The following PBX1 variants were observed in gnomAD, a reference collection of about 807,000 sequenced individuals.
PBX1 encodes PBX homeobox 1.
In PBX1, 6 loss-of-function variants were observed where a neutral mutation model predicts 53.4. That is an observed-to-expected ratio of 0.11 (90% CI 0.06 to 0.22). The LOEUF is 0.22. PBX1 is among the 10% of genes least tolerant of loss of function. PBX1 has a pLI of 1.00. For missense variants in PBX1, 251 were observed against 551.4 expected (o/e 0.46, Z 5.46); for synonymous variants, 204 against 212.3 (o/e 0.96, Z 0.34).
intron 2 of PBX1, among the ~76,000 whole-genome samples, chr1:164,650,176 G>T (rs1571147455): frequency 6.6e-6 from 1 of 151,890 alleles, no homozygotes; most frequent in Non-Finnish European, 1.5e-5. Flanking sequence ...TGGAGATGGG[G>T]AAGCCACTGG....
chr1:164,776,394 A>G (rs1667647719), intron 2 of PBX1, among the ~76,000 whole-genome samples: 1 of 152,128 alleles, frequency 6.6e-6, no homozygotes, highest in Non-Finnish European at 1.5e-5. Flanking sequence ...TGTGATTTAG[A>G]AGGAAGGGGT....
intron 2 of PBX1, among the ~76,000 whole-genome samples, chr1:164,750,786 A>G (rs911416732): frequency 6.6e-6 from 1 of 152,246 alleles, no homozygotes; most frequent in African/African-American, 2.4e-5. Flanking sequence ...GCCTGCATTC[A>G]GATTTGTCTT....
chr1:164,600,687 G>T (rs1227814992), intron 2 of PBX1, among the ~76,000 whole-genome samples: 2 of 152,320 alleles, frequency 1.3e-5, no homozygotes, highest in East Asian at 3.9e-4. Context: ...AAAGCACCGG[G>T]CTAGTAAACA....
intron 2 of PBX1, among the ~76,000 whole-genome samples, chr1:164,870,251 T>A (rs936408748): frequency 3.0e-5 from 2 of 65,910 alleles, no homozygotes; most frequent in Non-Finnish European, 5.9e-5. Flanking sequence ...CCTTCCTTCC[T>A]TCCTTCCTTC....
chr1:164,573,604 G>A (rs2101718868), intron 2 of PBX1, among the ~76,000 whole-genome samples: 1 of 149,940 alleles, frequency 6.7e-6, no homozygotes, highest in East Asian at 2.0e-4. Context: ...GGATTCTCCT[G>A]CCTCAGCCTC....
At chr1:164,585,129 T>G (rs1204765827) in intron 2 of PBX1, among the ~76,000 whole-genome samples, 1 of 152,184 alleles carries the variant, frequency 6.6e-6, no homozygotes, top group Non-Finnish European at 1.5e-5. Context: ...AAGAATGGAA[T>G]GGACATCTTT....
chr1:164,720,570 T>G (rs1414790841), intron 2 of PBX1, among the ~76,000 whole-genome samples: 1 of 152,216 alleles, frequency 6.6e-6, no homozygotes, highest in Non-Finnish European at 1.5e-5. Context: ...CCCTGGAGGC[T>G]TCTGACTTCA....
At chr1:164,638,867 A>C (rs1018286685) in intron 2 of PBX1, among the ~76,000 whole-genome samples, 21 of 152,202 alleles carry the variant, frequency 1.4e-4, no homozygotes, top group Non-Finnish European at 2.8e-4. Flanking sequence ...GAACATTGGA[A>C]GCGTTTGGAA....
chr1:164,644,865 C>T (rs1233842261), intron 2 of PBX1, among the ~76,000 whole-genome samples: 2 of 152,184 alleles, frequency 1.3e-5, no homozygotes, highest in Non-Finnish European at 2.9e-5. Context: ...GTTGGGCTCT[C>T]CGTCTGGCAG....
At chr1:164,831,279 T>C (rs1367860608) in intron 8 of PBX1, among the ~76,000 whole-genome samples, 1 of 152,230 alleles carries the variant, frequency 6.6e-6, no homozygotes, top group Non-Finnish European at 1.5e-5. Context: ...GGTACATGTA[T>C]CATTAACTAG....
chr1:164,772,695 C>A (rs542830157), intron 2 of PBX1, among the ~76,000 whole-genome samples: 10 of 152,290 alleles, frequency 6.6e-5, no homozygotes, highest in Non-Finnish European at 1.3e-4. Context: ...TGCTGCCCCG[C>A]GTGCTTTTTC....
intron 2 of PBX1, among the ~76,000 whole-genome samples, chr1:164,778,318 A>G (rs138934972): frequency 1.3e-5 from 2 of 152,352 alleles, no homozygotes; most frequent in East Asian, 3.9e-4. Flanking sequence ...GGTGTGGTGT[A>G]GAAACAAATA....
intron 2 of PBX1, among the ~76,000 whole-genome samples, chr1:164,600,906 C>T (rs567762206): frequency 3.5e-4 from 53 of 152,206 alleles, no homozygotes; most frequent in African/African-American, 1.2e-3. Flanking sequence ...GAATGGCTTG[C>T]ATTTTATAAA....
chr1:164,803,251 G>C (rs921685696), intron 4 of PBX1, among the ~76,000 whole-genome samples: 1 of 152,106 alleles, frequency 6.6e-6, no homozygotes, highest in African/African-American at 2.4e-5. Flanking sequence ...GACAAATACT[G>C]TTACAACTAC....
intron 6 of PBX1, chr1:164,817,782 T>C (rs558521634): frequency 6.6e-6 from 1 of 152,362 alleles, no homozygotes; most frequent in South Asian, 2.1e-4. Context: ...CATGTAGCCC[T>C]TTGGGGGTTT....
chr1:164,580,249 C>T (rs188838704), intron 2 of PBX1, among the ~76,000 whole-genome samples: 1 of 152,278 alleles, frequency 6.6e-6, no homozygotes, highest in Admixed American at 6.5e-5. Flanking sequence ...TTTCATTAGG[C>T]CTCTGCCTAT....
At chr1:164,879,303 T>C (rs553653251) in intron 2 of PBX1, among the ~76,000 whole-genome samples, 52 of 152,274 alleles carry the variant, frequency 3.4e-4, no homozygotes, top group Non-Finnish European at 5.9e-4. Flanking sequence ...GAATGAAAGA[T>C]ATAAATAAAA....
chr1:164,847,896 T>TC lies in PBX1; in HGVS notation c.*1223dup. Reference sequence around the variant, plus strand: ...GGTTTCCAGTGTAAACTACTCTTGTTCCCACCACCTCTGGAGCACTCAGGG... The same window carrying TC: ...GGTTTCCAGTGTAAACTACTCTTGTTCCCCACCACCTCTGGAGCACTCAGGG... On this transcript the variant is annotated 3_prime_UTR_variant, in exon 9 of 9. Transcript: ENST00000420696. 9.5e-7 allele frequency: 1 copy of TC among 1,054,740 alleles called. No individual in the cohort carries two copies. The highest frequency in any genetic ancestry group is 5.3e-5 in the East Asian group (1 of 18,892). 65.3% of individuals were successfully genotyped at this position (1,054,740 alleles called of 1,614,324 possible).
intron 2 of PBX1, chr1:164,770,336 A>G (rs12736383): frequency 0.094 from 14,271 of 152,240 alleles, 856 homozygotes; most frequent in East Asian, 0.19. Context: ...CTTGAAAACT[A>G]GGGCTCTTTT....
Sources: gnomAD v4.1 joint callset for allele counts (sites outside exome capture counted in the v4.1 genomes callset) on GRCh38, gnomAD v4.1.1 for gene constraint, MANE v1.5 for transcripts, NCBI Gene and HGNC (gene_info 2026-07-23, HGNC 2026-07-21) for gene names.